Variants in PTPRT observed in about 807,000 individuals in gnomAD.
The protein encoded by PTPRT is protein tyrosine phosphatase receptor type T.
Under a neutral mutation model 176.8 loss-of-function variants are expected in PTPRT, and 56 were observed. The ratio of observed to expected loss-of-function variants is 0.32; its 90% CI spans 0.26 to 0.40. The LOEUF (loss-of-function observed/expected upper bound fraction) is 0.40. Ranked by LOEUF, PTPRT falls within the 10% of genes least tolerant of loss-of-function variation. The pLI is 1.00. For synonymous variants in PTPRT, 783 were observed against 739.0 expected (o/e 1.06, Z -0.96); for missense variants, 1,540 against 1,908.2 (o/e 0.81, Z 3.60).
intron 7 of PTPRT, among the ~76,000 whole-genome samples, chr20:42,533,657 TG>T (rs1386972718): frequency 3.3e-5 from 5 of 152,224 alleles, no homozygotes; most frequent in Non-Finnish European, 1.5e-5. Flanking sequence ...AAAATAGGGA[TG>T]ATTACAATAG....
intron 1 of PTPRT, among the ~76,000 whole-genome samples, chr20:43,158,533 T>A (rs991719660): frequency 6.6e-6 from 1 of 152,194 alleles, no homozygotes; most frequent in African/African-American, 2.4e-5. Context: ...GCACAAATTA[T>A]ATGGTAGTTG....
intron 7 of PTPRT, among the ~76,000 whole-genome samples, chr20:42,573,498 C>T (rs1266600163): frequency 6.6e-6 from 1 of 152,206 alleles, no homozygotes; most frequent in African/African-American, 2.4e-5. Context: ...AAGCTGGCAT[C>T]TGTTGGTCTC....
intron 7 of PTPRT, among the ~76,000 whole-genome samples, chr20:42,576,529 C>T (rs2073264555): frequency 6.6e-6 from 1 of 152,122 alleles, no homozygotes; most frequent in Admixed American, 6.5e-5. Context: ...TCCCCAGAGG[C>T]CAGAAAATGC....
chr20:42,738,008 A>C (rs1007840877), intron 6 of PTPRT, among the ~76,000 whole-genome samples: 10 of 152,066 alleles, frequency 6.6e-5, no homozygotes, highest in Admixed American at 5.2e-4. Flanking sequence ...CTCATACCTC[A>C]CAACAAACCT....
chr20:42,656,036 G>C (rs2075119759), intron 7 of PTPRT, among the ~76,000 whole-genome samples: 1 of 152,166 alleles, frequency 6.6e-6, no homozygotes, highest in Non-Finnish European at 1.5e-5. Flanking sequence ...GTGGACATAT[G>C]ATCCTTGAAG....
intron 19 of PTPRT, among the ~76,000 whole-genome samples, chr20:42,128,152 T>C (rs6016689): frequency 0.85 from 128,996 of 152,116 alleles, 54,768 homozygotes; most frequent in East Asian, 0.9. Context: ...TCTCTCTAAC[T>C]AGAGGCCCCT....
At chr20:42,091,806 G>A (rs927276525) in intron 27 of PTPRT, among the ~76,000 whole-genome samples, 1 of 152,006 alleles carries the variant, frequency 6.6e-6, no homozygotes, top group South Asian at 2.1e-4. Flanking sequence ...GGAGAGAGAG[G>A]GGGGAGAGAG....
chr20:42,127,490 A>T (rs920984080), intron 19 of PTPRT, among the ~76,000 whole-genome samples: 2 of 152,240 alleles, frequency 1.3e-5, no homozygotes, highest in African/African-American at 4.8e-5. Context: ...GCAAGCAGTC[A>T]GATGATCAAT....
At chr20:42,494,516 T>C (rs1386592450) in intron 7 of PTPRT, among the ~76,000 whole-genome samples, 1 of 152,120 alleles carries the variant, frequency 6.6e-6, no homozygotes, top group East Asian at 1.9e-4. Context: ...GGGAATAATG[T>C]GTCATCAAAG....
intron 6 of PTPRT, among the ~76,000 whole-genome samples, chr20:42,746,288 C>T (rs1360192453): frequency 6.6e-6 from 1 of 152,174 alleles, no homozygotes. Context: ...TGAAGTTTCC[C>T]ACTTTTCTCC....
intron 6 of PTPRT, 147 bp downstream of exon 6, chr20:42,756,315 T>G: frequency 1.3e-6 from 1 of 798,008 alleles, no homozygotes; most frequent in Non-Finnish European, 1.8e-6. Flanking sequence ...TTGGGGAGTT[T>G]GTGTTGGGGA....
chr20:42,164,514 A>G (rs1425858463), intron 16 of PTPRT, among the ~76,000 whole-genome samples: 2 of 152,224 alleles, frequency 1.3e-5, no homozygotes, highest in Non-Finnish European at 2.9e-5. Flanking sequence ...AGGTTTATTA[A>G]TCCAACGGGT....
intron 1 of PTPRT, among the ~76,000 whole-genome samples, chr20:42,974,731 C>T (rs1040809994): frequency 2.0e-5 from 3 of 152,208 alleles, no homozygotes; most frequent in South Asian, 2.1e-4. Flanking sequence ...TGACTGTATT[C>T]GCATTACCCA....
At chr20:42,893,035 C>A (rs2079222433) in intron 1 of PTPRT, among the ~76,000 whole-genome samples, 1 of 152,110 alleles carries the variant, frequency 6.6e-6, no homozygotes, top group South Asian at 2.1e-4. Context: ...ACTCAGAAAT[C>A]AGGCTGGGAC....
intron 27 of PTPRT, among the ~76,000 whole-genome samples, chr20:42,093,838 C>T (rs983580741): frequency 1.3e-5 from 2 of 152,204 alleles, no homozygotes; most frequent in African/African-American, 4.8e-5. Context: ...TGATGCTCAT[C>T]CTGTGTCATT....
chr20:42,826,834 C>T (rs2078002315), intron 2 of PTPRT, among the ~76,000 whole-genome samples: 1 of 152,036 alleles, frequency 6.6e-6, no homozygotes, highest in Admixed American at 6.6e-5. Flanking sequence ...ATGAATGGCA[C>T]ACAAAAGCTC....
intron 17 of PTPRT, among the ~76,000 whole-genome samples, chr20:42,152,478 C>G (rs1225410438): frequency 6.6e-6 from 1 of 152,192 alleles, no homozygotes; most frequent in African/African-American, 2.4e-5. Flanking sequence ...GAACTTTGAT[C>G]AAGGCAGAGA....
intron 1 of PTPRT, among the ~76,000 whole-genome samples, chr20:42,975,123 G>A (rs546597808): frequency 2.6e-5 from 4 of 152,002 alleles, no homozygotes; most frequent in African/African-American, 9.6e-5. Context: ...AAGGACAAGA[G>A]ATTAAAAAAA....
intron 2 of PTPRT, among the ~76,000 whole-genome samples, chr20:42,882,808 C>T (rs73907293): frequency 0.066 from 9,997 of 152,260 alleles, 914 homozygotes; most frequent in African/African-American, 0.21. Flanking sequence ...GTGATGCGTG[C>T]TACTAAGGAC....
Sources: allele counts gnomAD v4.1 joint callset (sites outside exome capture counted in the v4.1 genomes callset), GRCh38; gene constraint gnomAD v4.1.1; transcripts MANE v1.5; gene names NCBI Gene and HGNC (gene_info 2026-07-23, HGNC 2026-07-21).